The following STYXL2 variants were observed in gnomAD, a reference collection of about 807,000 sequenced individuals.
STYXL2 encodes serine/threonine/tyrosine-interacting-like protein 2.
STYXL2 carries 44 observed loss-of-function variants against 52.4 expected under a neutral mutation model. That is an observed-to-expected ratio of 0.84 (90% CI 0.66 to 1.08). The LOEUF (loss-of-function observed/expected upper bound fraction) is 1.08, where lower values mean the gene tolerates loss of function less well. Among genes scored for constraint, STYXL2 ranks in the 50% least tolerant of loss-of-function variants. STYXL2 has a pLI of 0.00. For missense variants in STYXL2, 1,604 were observed against 1,471.7 expected (o/e 1.09, Z -1.47); for synonymous variants, 604 against 586.9 (o/e 1.03, Z -0.42).
rs1667902823 is a variant in STYXL2 at position 167,123,609 on chromosome 1, A to AG, written c.656-2176dup. Among the ~76,000 whole-genome samples, 12 of 152,292 alleles carry AG rather than the reference A, an allele frequency of 7.9e-5. No homozygotes were observed. In the South Asian group the frequency reaches 2.5e-3, roughly 32 times the overall value. On this transcript the variant is annotated intron_variant, in intron 5 of 5. Transcript: ENST00000361200. ...AGTGCTTCTATAGATGCTCCTTATA[A>AG]GGCTTTTACTTGTTTTTCTTTTTCT...
chr1:167,096,213 G>T (rs557946548), intron 2 of STYXL2, among the ~76,000 whole-genome samples: 1 of 151,944 alleles, frequency 6.6e-6, no homozygotes, highest in East Asian at 1.9e-4. Context: ...AGCCGAGATC[G>T]CGCCACTGAA....
intron 2 of STYXL2, among the ~76,000 whole-genome samples, chr1:167,103,617 A>T (rs1421053591): frequency 6.6e-6 from 1 of 152,220 alleles, no homozygotes; most frequent in African/African-American, 2.4e-5. Context: ...AACACCTTAA[A>T]TTCAAACCTA....
At chr1:167,102,355 G>A (rs1360318865) in intron 2 of STYXL2, among the ~76,000 whole-genome samples, 2 of 151,822 alleles carry the variant, frequency 1.3e-5, no homozygotes, top group Non-Finnish European at 2.9e-5. Context: ...GAGGCAGTAT[G>A]ATACTGTGGA....
intron 5 of STYXL2, among the ~76,000 whole-genome samples, chr1:167,124,701 A>G (rs999974051): frequency 1.3e-5 from 2 of 152,262 alleles, no homozygotes; most frequent in African/African-American, 4.8e-5. Flanking sequence ...AAGTTTAAAA[A>G]TGACTGCACA....
At chr1:167,097,185 G>A (rs567533361) in intron 2 of STYXL2, among the ~76,000 whole-genome samples, 120 of 152,248 alleles carry the variant, frequency 7.9e-4, no homozygotes, top group Admixed American at 2.5e-3. Context: ...CCATAGCCAC[G>A]TTGAAGACAT....
chr1:167,116,950 G>T (rs1021939278), intron 3 of STYXL2, among the ~76,000 whole-genome samples: 2 of 152,128 alleles, frequency 1.3e-5, no homozygotes, highest in Non-Finnish European at 2.9e-5. Context: ...ACGCCTGGCT[G>T]GTAAACACTT....
chr1:167,120,616 CT>C (rs1023249078), intron 5 of STYXL2, among the ~76,000 whole-genome samples: 5 of 143,988 alleles, frequency 3.5e-5, no homozygotes, highest in Non-Finnish European at 6.2e-5. Context: ...CACATATTTT[CT>C]TTTTTTTAAT....
Position 167,128,215 on chromosome 1 carries a change from G to T in STYXL2, c.3084G>T (p.Glu1028Asp), listed in dbSNP as rs368805229. The T allele has an allele frequency of 6.2e-7, 1 of 1,614,186 alleles. No homozygotes were observed. The highest frequency in any genetic ancestry group is 8.5e-7 in the Non-Finnish European group (1 of 1,180,038). The change falls in exon 6 of 6, where the codon GAG becomes GAT. Residue 1028 changes from glutamate to aspartate, a missense_variant. Glu to Asp is a conservative substitution (Grantham distance 45). Coordinates refer to ENST00000361200, the MANE Select transcript of STYXL2 (RefSeq NM_001080426.3). The part of the protein sequence containing the change: ...MHKFSRSTYN[E>D]TSSSREESPE... ...AGTTCTCCAGGTCCACGTACAACGA[G>T]ACCTCAAGTTCCCGAGAGGAGAGCC...
In STYXL2 at chr1:167,123,812, C is replaced by T. The variant is rs554535782; in HGVS notation, c.656-1975C>T. On this transcript the variant is annotated intron_variant, in intron 5 of 5. Coordinates refer to ENST00000361200, the MANE Select transcript of STYXL2 (RefSeq NM_001080426.3). ...CTAATTTTTGTATTTTTAGTAGAGA[C>T]AGGGTTTTGCCATGTTGGCCAGGCT... Among the ~76,000 whole-genome samples the T allele has an allele frequency of 4.5e-3, 685 of 152,262 alleles. 2 individuals carry two copies. The highest frequency in any genetic ancestry group is 7.7e-3 in the Non-Finnish European group (527 of 68,012).
Position 167,125,953 on chromosome 1 carries a change from C to G in STYXL2, c.822C>G (p.Leu274=), listed in dbSNP as rs774408215. The G allele has an allele frequency of 1.9e-6, 3 of 1,613,692 alleles. No individual in the cohort carries two copies. Among genetic ancestry groups the G allele is most frequent in the Non-Finnish European group, 2.5e-6 (3 of 1,179,932 alleles). The part of the protein sequence containing the change: ...NEGFLKQLRE[L]NEKLMEEREE... ...GCTTCCTGAAGCAGCTGCGGGAGCTCAATGAGAAGTTGATGGAGGAGAGAG... is the reference window on the plus strand; with the variant it reads ...GCTTCCTGAAGCAGCTGCGGGAGCTGAATGAGAAGTTGATGGAGGAGAGAG... The change falls in exon 6 of 6, where the codon CTC becomes CTG. Residue 274 remains leucine, a synonymous_variant. Transcript: ENST00000361200.
intron 5 of STYXL2, among the ~76,000 whole-genome samples, chr1:167,122,033 C>A (rs1214377978): frequency 6.6e-6 from 1 of 152,030 alleles, no homozygotes; most frequent in Non-Finnish European, 1.5e-5. Context: ...CACCTGGCGC[C>A]GGCGTTTTAC....
chr1:167,115,811 C>A (rs972581886), intron 3 of STYXL2, among the ~76,000 whole-genome samples: 1 of 151,986 alleles, frequency 6.6e-6, no homozygotes, highest in Non-Finnish European at 1.5e-5. Flanking sequence ...GATCAGAGAA[C>A]GTTTAGAGCT....
In STYXL2 at chr1:167,127,295, A is replaced by G. The variant is rs757245031; in HGVS notation, c.2164A>G (p.Ser722Gly). 2 of 1,614,240 alleles carry G rather than the reference A, an allele frequency of 1.2e-6. No individual in the cohort carries two copies. The highest frequency in any genetic ancestry group is 3.3e-5 in the Admixed American group (2 of 60,032). Residue 722 changes from serine (S) to glycine (G), a missense_variant, in exon 6 of 6, where the codon AGT (serine) becomes GGT (glycine). By Grantham distance (56) the Ser-to-Gly change is moderately conservative. Coordinates refer to ENST00000361200, the MANE Select transcript of STYXL2 (RefSeq NM_001080426.3). ...GCCTGGAGACACCATTTCCATTGCCAGTATCCAGAACTGGATTGCCAATGT... is the reference window on the plus strand; with the variant it reads ...GCCTGGAGACACCATTTCCATTGCCGGTATCCAGAACTGGATTGCCAATGT... Reference protein sequence around the residue: ...VGPGDTISIASIQNWIANVVS... With the variant: ...VGPGDTISIAGIQNWIANVVS...
chr1:167,118,981 A>G (rs1667789827), intron 4 of STYXL2, among the ~76,000 whole-genome samples: 1 of 152,236 alleles, frequency 6.6e-6, no homozygotes. Context: ...TCTCTGGATC[A>G]TTCAAATGTT....
chr1:167,127,333 C>T lies in STYXL2; in HGVS notation c.2202C>T (p.Thr734=), dbSNP rs201189056. The T allele has an allele frequency of 6.2e-6, 10 of 1,614,176 alleles. No homozygotes were observed. In the African/African-American group the frequency reaches 1.2e-4, roughly 19 times the overall value. The change falls in exon 6 of 6, where the codon ACC becomes ACT. Residue 734 remains threonine (T), a synonymous_variant. Coordinates refer to ENST00000361200, the MANE Select transcript of STYXL2 (RefSeq NM_001080426.3). ...QNWIANVVSE[T]LAQKQNEMLL... is the part of the protein sequence containing the mutation. ...GGATTGCCAATGTAGTCAGTGAGAC[C>T]CTTGCTCAGAAGCAAAATGAAATGC...
intron 2 of STYXL2, among the ~76,000 whole-genome samples, chr1:167,097,182 C>T (rs1039128532): frequency 2.6e-5 from 4 of 152,296 alleles, no homozygotes; most frequent in African/African-American, 9.6e-5. Context: ...CCTCCATAGC[C>T]ACGTTGAAGA....
intron 4 of STYXL2, 114 bp downstream of exon 4, chr1:167,117,673 G>T: frequency 1.1e-6 from 1 of 943,102 alleles, no homozygotes; most frequent in Non-Finnish European, 1.6e-6. Flanking sequence ...CCAGCACAAT[G>T]AGGCTGCCTA....
chr1:167,128,663 A>G lies in STYXL2; in HGVS notation c.*55A>G. ...AACCACTCACGTTAGCATAGGGCTC[A>G]GGGCACACGTTGCCACCACTCATCG... On this transcript the variant is annotated 3_prime_UTR_variant, in exon 6 of 6. Coordinates refer to ENST00000361200, the MANE Select transcript of STYXL2 (RefSeq NM_001080426.3). 6.5e-7 allele frequency: 1 copy of G among 1,533,716 alleles called. No homozygotes were observed.
At position 167,126,272 on chromosome 1, in the gene STYXL2, G is replaced by A. The variant is rs920414811; in HGVS notation, c.1141G>A (p.Gly381Arg). ...GCGCTCAGCCTCCTCTGGCCAGGGT[G>A]GGGAGGAGCTCGAGGACGAGGACGT... Reference protein sequence around the residue: ...GWRSASSGQGGEELEDEDVER... With the variant: ...GWRSASSGQGREELEDEDVER... Residue 381 changes from glycine to arginine, a missense_variant, in exon 6 of 6, where the codon GGG becomes AGG. Transcript: ENST00000361200. The A allele has an allele frequency of 3.2e-6, 5 of 1,542,520 alleles. No homozygotes were observed. The South Asian group carries it at 3.8e-5, about 12-fold the overall frequency.
Sources: gnomAD v4.1 joint callset for allele counts (sites outside exome capture counted in the v4.1 genomes callset) on GRCh38, gnomAD v4.1.1 for gene constraint, MANE v1.5 for transcripts, NCBI Gene and HGNC (gene_info 2026-07-23, HGNC 2026-07-21) for gene names.